Variants in PARK7 observed in about 807,000 individuals in gnomAD.
PARK7 encodes the protein Parkinson disease protein 7.
PARK7 carries 14 observed loss-of-function variants against 20.5 expected under a neutral mutation model. That is an observed-to-expected ratio of 0.68 (90% CI 0.45 to 1.07). PARK7 has a LOEUF of 1.07. Ranked by LOEUF, PARK7 falls within the 50% of genes least tolerant of loss-of-function variation. PARK7 has a pLI of 0.00. For synonymous variants in PARK7, 98 were observed against 84.3 expected, an observed-to-expected ratio of 1.16 and a Z score of -0.89; for missense variants, 234 against 238.1, an observed-to-expected ratio of 0.98 and a Z score of 0.11.
intron 6 of PARK7, among the ~76,000 whole-genome samples, chr1:7,983,652 C>T (rs1032541311): frequency 2.6e-5 from 4 of 152,378 alleles, no homozygotes; most frequent in African/African-American, 9.6e-5. Context: ...CAAGGGCTTT[C>T]CATGGGGAAC....
At chr1:7,968,647 A>G (rs549973104) in intron 3 of PARK7, among the ~76,000 whole-genome samples, 1 of 151,994 alleles carries the variant, frequency 6.6e-6, no homozygotes, top group East Asian at 1.9e-4. Context: ...CCCCAAGTAG[A>G]TGGGACCACA....
chr1:7,981,477 T>C (rs1343642153), intron 6 of PARK7, among the ~76,000 whole-genome samples: 2 of 152,190 alleles, frequency 1.3e-5, no homozygotes, highest in African/African-American at 4.8e-5. Context: ...TGGTAAATAT[T>C]GCAGGCTTTC....
At chr1:7,970,728 G>T (rs976753329) in intron 4 of PARK7, among the ~76,000 whole-genome samples, 166 bp from the exon 5 acceptor site, 23 of 152,166 alleles carry the variant, frequency 1.5e-4, no homozygotes, top group Non-Finnish European at 2.9e-4. Context: ...ATATAATATA[G>T]ACACATTTTG....
rs200615089 is a variant in PARK7 at position 7,980,689 on chromosome 1, A to G, written c.409+2951A>G. On this transcript the variant is annotated intron_variant, in intron 6 of 6. Coordinates refer to ENST00000338639, the MANE Select transcript of PARK7 (RefSeq NM_007262.5). ...TTGGATTTAGTCAGTAACCTCTATTATAAGAAATGGATACTTGAAATGTCT... is the reference window on the plus strand; with the variant it reads ...TTGGATTTAGTCAGTAACCTCTATTGTAAGAAATGGATACTTGAAATGTCT... Among the ~76,000 whole-genome samples, 3 of 152,140 alleles carry G rather than the reference A, an allele frequency of 2.0e-5. No individual in the cohort carries two copies. In the East Asian group the frequency reaches 5.8e-4, roughly 29 times the overall value.
At position 7,985,091 on chromosome 1, in the gene PARK7, C is replaced by T. The variant is rs199752316; in HGVS notation, c.*37C>T. On this transcript the variant is annotated 3_prime_UTR_variant, in exon 7 of 7. Coordinates refer to ENST00000338639, the MANE Select transcript of PARK7 (RefSeq NM_007262.5). ...GCGACGATCACTTAGAGAAACAGGCCGTTAGGAATCCATTCTCACTGTGTT... is the reference window on the plus strand; with the variant it reads ...GCGACGATCACTTAGAGAAACAGGCTGTTAGGAATCCATTCTCACTGTGTT... 385 of 1,604,454 alleles carry T rather than the reference C, an allele frequency of 2.4e-4. 1 individual carries two copies. Among genetic ancestry groups the T allele is most frequent in the South Asian group, 2.4e-4 (22 of 90,116 alleles).
chr1:7,963,183 C>G (rs572715442), intron 2 of PARK7, among the ~76,000 whole-genome samples: 10 of 152,082 alleles, frequency 6.6e-5, no homozygotes, highest in Non-Finnish European at 8.8e-5. Flanking sequence ...CCCACCTCAG[C>G]CTCCCAAATA....
At chr1:7,975,125 A>T (rs1010979282) in intron 5 of PARK7, among the ~76,000 whole-genome samples, 1 of 152,144 alleles carries the variant, frequency 6.6e-6, no homozygotes, top group Admixed American at 6.6e-5. Context: ...AAGTGCTAGG[A>T]TTACAGGCGT....
intron 6 of PARK7, among the ~76,000 whole-genome samples, chr1:7,980,719 C>T (rs977519719): frequency 4.6e-5 from 7 of 152,192 alleles, no homozygotes; most frequent in African/African-American, 1.7e-4. Flanking sequence ...ATGTCTACTC[C>T]TTCAGGACAC....
intron 6 of PARK7, among the ~76,000 whole-genome samples, chr1:7,981,118 T>C (rs1166508351): frequency 6.6e-6 from 1 of 152,176 alleles, no homozygotes; most frequent in Non-Finnish European, 1.5e-5. Context: ...CCTGGTCCCA[T>C]ACCCGAGCAC....
chr1:7,976,740 A>T lies in PARK7; in HGVS notation c.323-912A>T, dbSNP rs1386834169. 3.3e-5 allele frequency among the ~76,000 whole-genome samples: 5 copies of T among 152,144 alleles called. No homozygotes were observed. The South Asian group carries it at 8.3e-4, about 25-fold the overall frequency. ...ATTTATTTATTTTTTATTTATTTTG[A>T]GACAGAGTCTCGCTCTGTCGCCCAG... On this transcript the variant is annotated intron_variant, in intron 5 of 6. Coordinates refer to ENST00000338639, the MANE Select transcript of PARK7 (RefSeq NM_007262.5).
At chr1:7,981,660 G>GTTTTTT (rs1245140194) in intron 6 of PARK7, among the ~76,000 whole-genome samples, 1 of 136,520 alleles carries the variant, frequency 7.3e-6, no homozygotes, top group Non-Finnish European at 1.6e-5. Flanking sequence ...TGTGTCTTTT[G>GTTTTTT]TTTTTTTTTT....
At chr1:7,978,243 G>A (rs1487413594) in intron 6 of PARK7, among the ~76,000 whole-genome samples, 9 of 151,558 alleles carry the variant, frequency 5.9e-5, no homozygotes, top group Non-Finnish European at 1.2e-4. Context: ...TGATCCACCC[G>A]CCTCAGCCTC....
rs552826206 is a variant in PARK7 at position 7,971,393 on chromosome 1, C to T, written c.322+430C>T. ...TGGTGCTTTCCGCTGGCTTCTCGGG[C>T]GTTTCTGATTGTCTCAGTACCGAGT... On this transcript the variant is annotated intron_variant, in intron 5 of 6. Transcript: ENST00000338639. 1.2e-5 allele frequency: 3 copies of T among 257,372 alleles called. No homozygotes were observed. The South Asian group carries it at 1.4e-4, about 12-fold the overall frequency. The allele number at this position is 257,372 out of a possible 1,614,324, so 15.9% of individuals were successfully genotyped here.
At chr1:7,969,123 A>G (rs576331667) in intron 3 of PARK7, 1 of 524,362 alleles carries the variant, frequency 1.9e-6, no homozygotes, top group Non-Finnish European at 3.4e-6. Context: ...TGCAGCGTGG[A>G]CATCCTTGCA....
chr1:7,973,628 C>T (rs975476603), intron 5 of PARK7, among the ~76,000 whole-genome samples: 1 of 150,916 alleles, frequency 6.6e-6, no homozygotes, highest in Non-Finnish European at 1.5e-5. Flanking sequence ...GCAGGAGAAT[C>T]GCTTGAACCT....
intron 6 of PARK7, among the ~76,000 whole-genome samples, chr1:7,979,348 C>A (rs1005165760): frequency 6.6e-6 from 1 of 152,216 alleles, no homozygotes; most frequent in Non-Finnish European, 1.5e-5. Flanking sequence ...GCCTCCCCTA[C>A]TATCAACATC....
intron 3 of PARK7, among the ~76,000 whole-genome samples, chr1:7,967,851 T>TC (rs767233713): frequency 7.9e-5 from 12 of 152,176 alleles, no homozygotes; most frequent in Non-Finnish European, 1.6e-4. Flanking sequence ...GCCCAGGAGT[T>TC]CAAGGCTGTA....
intron 6 of PARK7, among the ~76,000 whole-genome samples, chr1:7,980,825 T>A (rs976783882): frequency 6.6e-6 from 1 of 152,216 alleles, no homozygotes; most frequent in Non-Finnish European, 1.5e-5. Context: ...GACAGTTTCT[T>A]CTCAGATAAG....
intron 2 of PARK7, among the ~76,000 whole-genome samples, chr1:7,963,752 A>G (rs528702155): frequency 2.7e-5 from 4 of 150,458 alleles, no homozygotes; most frequent in African/African-American, 9.8e-5. Context: ...CTCCAATCCT[A>G]TGCCCCTTCT....
Sources: gnomAD v4.1 joint callset for allele counts (sites outside exome capture counted in the v4.1 genomes callset) on GRCh38, gnomAD v4.1.1 for gene constraint, MANE v1.5 for transcripts, NCBI Gene and HGNC (gene_info 2026-07-23, HGNC 2026-07-21) for gene names.